The following PTPRD variants were observed in gnomAD, a reference collection of about 807,000 sequenced individuals.
PTPRD encodes the protein protein tyrosine phosphatase receptor type D, also known as receptor-type tyrosine-protein phosphatase delta.
In PTPRD, 34 loss-of-function variants were observed where a neutral mutation model predicts 214.5. That is an observed-to-expected ratio of 0.16 (90% CI 0.12 to 0.21). PTPRD has a LOEUF of 0.21. Among genes scored for constraint, PTPRD ranks in the 10% least tolerant of loss-of-function variants. The pLI is 1.00. For synonymous variants in PTPRD, 1,128 were observed against 845.7 expected (o/e 1.33, Z -5.79); for missense variants, 2,545 against 2,398.7 (o/e 1.06, Z -1.27).
chr9:10,015,355 C>G (rs2154112199), intron 4 of PTPRD, among the ~76,000 whole-genome samples: 1 of 152,158 alleles, frequency 6.6e-6, no homozygotes, highest in Middle Eastern at 3.4e-3. Context: ...TTAAGAAAAT[C>G]ATGGCAGTAA....
chr9:8,881,392 A>G (rs1321080687), intron 11 of PTPRD, among the ~76,000 whole-genome samples: 6 of 152,186 alleles, frequency 3.9e-5, no homozygotes, highest in Non-Finnish European at 8.8e-5. Context: ...TAGGTCAGAC[A>G]TATTAGGCTT....
chr9:8,404,489 C>A, intron 36 of PTPRD, 48 bp downstream of exon 36: 2 of 1,583,484 alleles, frequency 1.3e-6, no homozygotes, highest in Non-Finnish European at 8.6e-7. Flanking sequence ...CATGCACATA[C>A]TCAAATCCAT....
intron 9 of PTPRD, among the ~76,000 whole-genome samples, chr9:9,275,338 G>GA (rs1273330283): frequency 1.4e-5 from 2 of 146,792 alleles, no homozygotes; most frequent in Non-Finnish European, 3.0e-5. Context: ...GTTATTCTCA[G>GA]AAAAAACTTA....
intron 11 of PTPRD, among the ~76,000 whole-genome samples, chr9:8,823,681 G>T (rs62530578): frequency 2.3e-5 from 1 of 43,534 alleles, no homozygotes; most frequent in Non-Finnish European, 4.5e-5. Flanking sequence ...GAAAAGGAAA[G>T]GGAAAGGAAA....
intron 3 of PTPRD, among the ~76,000 whole-genome samples, chr9:10,206,805 G>A (rs73641884): frequency 3.3e-5 from 5 of 152,036 alleles, no homozygotes; most frequent in Non-Finnish European, 7.4e-5. Context: ...ATCATTAGTA[G>A]CTACATAGAT....
chr9:8,351,356 T>C (rs1469784544), intron 39 of PTPRD, among the ~76,000 whole-genome samples: 1 of 151,990 alleles, frequency 6.6e-6, no homozygotes, highest in African/African-American at 2.4e-5. Context: ...GGATCGGTAA[T>C]GGTGGCAGTA....
intron 9 of PTPRD, among the ~76,000 whole-genome samples, chr9:9,283,826 C>G (rs182863610): frequency 6.6e-6 from 1 of 151,656 alleles, no homozygotes; most frequent in East Asian, 2.0e-4. Context: ...GATAAATAGC[C>G]CAAACTGAAT....
intron 4 of PTPRD, among the ~76,000 whole-genome samples, chr9:9,991,979 A>G (rs1320444617): frequency 6.6e-6 from 1 of 152,128 alleles, no homozygotes; most frequent in African/African-American, 2.4e-5. Context: ...AACATAACGA[A>G]CCTCAAAAAC....
intron 9 of PTPRD, among the ~76,000 whole-genome samples, chr9:9,346,083 G>C (rs953521009): frequency 1.4e-4 from 21 of 152,216 alleles, no homozygotes; most frequent in African/African-American, 5.1e-4. Flanking sequence ...ACGTAGTGCT[G>C]TGGAAGTCTC....
chr9:10,104,732 T>C (rs2098606505), intron 3 of PTPRD, among the ~76,000 whole-genome samples: 1 of 151,858 alleles, frequency 6.6e-6, no homozygotes, highest in African/African-American at 2.4e-5. Flanking sequence ...AAACTCAAAG[T>C]CAATACAGTA....
At position 8,355,830 on chromosome 9, in the gene PTPRD, A is replaced by G. The variant is rs145749830; in HGVS notation, c.4662-13852T>C. 3.3e-5 allele frequency among the ~76,000 whole-genome samples: 5 copies of G among 152,312 alleles called. No individual in the cohort carries two copies. In the East Asian group the frequency reaches 7.7e-4, roughly 24 times the overall value. On this transcript the variant is annotated intron_variant, in intron 39 of 45. Transcript: ENST00000381196. ...TGGGACCAAAGATTGTGCATTTCCA[A>G]CAAGTTCTAAAGCCATGCTGATATG...
intron 3 of PTPRD, among the ~76,000 whole-genome samples, chr9:10,248,249 CAG>C (rs1464465667): frequency 1.3e-5 from 2 of 152,040 alleles, no homozygotes; most frequent in Non-Finnish European, 2.9e-5. Context: ...AGGAGGCTCT[CAG>C]TCAACGTTTT....
chr9:10,198,226 A>G (rs1438076097), intron 3 of PTPRD, among the ~76,000 whole-genome samples: 2 of 152,162 alleles, frequency 1.3e-5, no homozygotes, highest in South Asian at 2.1e-4. Flanking sequence ...AGAACTAACA[A>G]CAAGAATGAA....
At chr9:8,667,713 T>C (rs1370039224) in intron 12 of PTPRD, among the ~76,000 whole-genome samples, 1 of 151,978 alleles carries the variant, frequency 6.6e-6, no homozygotes, top group Non-Finnish European at 1.5e-5. Context: ...TAGACTTGGG[T>C]CCCATCCCCA....
At chr9:9,045,077 C>A (rs2099667912) in intron 10 of PTPRD, among the ~76,000 whole-genome samples, 1 of 152,152 alleles carries the variant, frequency 6.6e-6, no homozygotes. Context: ...ACATGATTGT[C>A]ATTTCCAACC....
intron 39 of PTPRD, among the ~76,000 whole-genome samples, chr9:8,344,710 C>T (rs1023936852): frequency 2.0e-5 from 3 of 151,942 alleles, no homozygotes; most frequent in Non-Finnish European, 2.9e-5. Context: ...TAAGTGTTTT[C>T]GCTTGAAGCA....
chr9:8,391,177 C>T (rs1311171089), intron 36 of PTPRD, among the ~76,000 whole-genome samples: 2 of 151,952 alleles, frequency 1.3e-5, no homozygotes, highest in Non-Finnish European at 2.9e-5. Flanking sequence ...TGTTCCCAAG[C>T]TCAAATTGTT....
chr9:8,750,972 A>G (rs1023526596), intron 11 of PTPRD, among the ~76,000 whole-genome samples: 2 of 152,164 alleles, frequency 1.3e-5, no homozygotes, highest in Admixed American at 1.3e-4. Context: ...GTCTCTGTAG[A>G]GACTTCCAAT....
intron 12 of PTPRD, among the ~76,000 whole-genome samples, chr9:8,673,497 C>T (rs988097935): frequency 6.6e-6 from 1 of 152,182 alleles, no homozygotes; most frequent in Admixed American, 6.5e-5. Flanking sequence ...ATATGAACCT[C>T]ACAACTGCCA....
Sources: allele counts gnomAD v4.1 joint callset (sites outside exome capture counted in the v4.1 genomes callset), GRCh38; gene constraint gnomAD v4.1.1; transcripts MANE v1.5; gene names NCBI Gene and HGNC (gene_info 2026-07-23, HGNC 2026-07-21).